The following CMTM8 variants were observed in gnomAD, a reference collection of about 807,000 sequenced individuals.
CMTM8 encodes CKLF like MARVEL transmembrane domain containing 8.
In CMTM8, 12 loss-of-function variants were observed where a neutral mutation model predicts 18.6. The ratio of observed to expected loss-of-function variants is 0.65; its 90% CI spans 0.41 to 1.05. The LOEUF is 1.05. Ranked by LOEUF, CMTM8 falls within the 50% of genes least tolerant of loss-of-function variation. The pLI is 0.00. For synonymous variants in CMTM8, 87 were observed against 90.6 expected, an observed-to-expected ratio of 0.96 and a Z score of 0.23; for missense variants, 217 against 227.2, an observed-to-expected ratio of 0.95 and a Z score of 0.29.
At chr3:32,341,879 AAAAT>A (rs1278511337) in intron 1 of CMTM8, among the ~76,000 whole-genome samples, 2 of 151,928 alleles carry the variant, frequency 1.3e-5, no homozygotes, top group African/African-American at 4.8e-5. Flanking sequence ...TGTCTCAAAA[AAAAT>A]AAATAAACTT....
At chr3:32,273,981 G>T (rs1484748787) in intron 1 of CMTM8, among the ~76,000 whole-genome samples, 1 of 152,090 alleles carries the variant, frequency 6.6e-6, no homozygotes, top group Non-Finnish European at 1.5e-5. Flanking sequence ...GGCTTCTTGG[G>T]ATATTTTCTT....
At chr3:32,270,691 A>G (rs1005222102) in intron 1 of CMTM8, among the ~76,000 whole-genome samples, 1 of 152,090 alleles carries the variant, frequency 6.6e-6, no homozygotes, top group Non-Finnish European at 1.5e-5. Flanking sequence ...GGACACAGGA[A>G]GGGGAACGTC....
rs1268396651 is a variant in CMTM8 at position 32,239,138 on chromosome 3, G to C, written c.147+19G>C. The C allele has an allele frequency of 6.3e-7, 1 of 1,580,690 alleles. No homozygotes were observed. Among genetic ancestry groups the C allele is most frequent in the South Asian group, 1.2e-5 (1 of 86,058 alleles). ...CGAGATCGTGAGTGCCGACGGGCCG[G>C]GGGTGGCGGGGGGCTCAGCTGGACC... On this transcript the variant is annotated intron_variant, in intron 1 of 3. Coordinates refer to ENST00000307526, the MANE Select transcript of CMTM8 (RefSeq NM_178868.5).
chr3:32,361,660 T>C (rs1696934732), intron 2 of CMTM8, among the ~76,000 whole-genome samples: 1 of 152,158 alleles, frequency 6.6e-6, no homozygotes, highest in South Asian at 2.1e-4. Flanking sequence ...GCATGAACTT[T>C]GCATTGGAAT....
intron 1 of CMTM8, among the ~76,000 whole-genome samples, chr3:32,240,205 A>C (rs953828087): frequency 2.0e-5 from 3 of 152,188 alleles, no homozygotes; most frequent in Non-Finnish European, 4.4e-5. Context: ...TGTGTACCTC[A>C]AGTAGCTTGC....
chr3:32,244,435 T>G (rs1182691740), intron 1 of CMTM8, among the ~76,000 whole-genome samples: 1 of 152,228 alleles, frequency 6.6e-6, no homozygotes. Flanking sequence ...GTTCTCCTCC[T>G]TAGGCCTCCA....
At chr3:32,323,966 T>C (rs1696108769) in intron 1 of CMTM8, among the ~76,000 whole-genome samples, 1 of 152,250 alleles carries the variant, frequency 6.6e-6, no homozygotes, top group Non-Finnish European at 1.5e-5. Flanking sequence ...AACTGACCAG[T>C]TCTGCTAGTT....
chr3:32,261,833 C>A (rs768629491), intron 1 of CMTM8, among the ~76,000 whole-genome samples: 6 of 152,208 alleles, frequency 3.9e-5, no homozygotes, highest in Non-Finnish European at 7.3e-5. Context: ...TCTGTACACA[C>A]CCATGAGATT....
chr3:32,343,309 A>G (rs17029240), intron 1 of CMTM8, among the ~76,000 whole-genome samples: 15,644 of 152,210 alleles, frequency 0.1, 1,081 homozygotes, highest in African/African-American at 0.19. Flanking sequence ...CCACTATGGG[A>G]TAAGTCTTGC....
intron 1 of CMTM8, among the ~76,000 whole-genome samples, chr3:32,268,080 C>A (rs1307587245): frequency 6.6e-6 from 1 of 152,154 alleles, no homozygotes; most frequent in African/African-American, 2.4e-5. Flanking sequence ...TTGACCCAGC[C>A]ATCCCATTAC....
intron 1 of CMTM8, among the ~76,000 whole-genome samples, chr3:32,263,897 A>G (rs1350566959): frequency 6.6e-6 from 1 of 152,238 alleles, no homozygotes; most frequent in African/African-American, 2.4e-5. Flanking sequence ...AGAAGTTTAG[A>G]GAAAAAAGAA....
intron 1 of CMTM8, among the ~76,000 whole-genome samples, chr3:32,244,534 C>G (rs1701986369): frequency 6.6e-6 from 1 of 152,210 alleles, no homozygotes; most frequent in Non-Finnish European, 1.5e-5. Context: ...TCAGTTCTTT[C>G]TAAAACTCCT....
intron 1 of CMTM8, among the ~76,000 whole-genome samples, chr3:32,321,231 G>A (rs1382346907): frequency 1.3e-5 from 2 of 152,206 alleles, no homozygotes; most frequent in South Asian, 2.1e-4. Flanking sequence ...AAACAACACT[G>A]GGGACTAACT....
chr3:32,253,772 G>C (rs1702143339), intron 1 of CMTM8, among the ~76,000 whole-genome samples: 1 of 152,188 alleles, frequency 6.6e-6, no homozygotes, highest in Non-Finnish European at 1.5e-5. Context: ...CTGTTCACAG[G>C]TGAGATCATA....
chr3:32,273,049 A>G (rs1310550239), intron 1 of CMTM8, among the ~76,000 whole-genome samples: 1 of 152,156 alleles, frequency 6.6e-6, no homozygotes, highest in African/African-American at 2.4e-5. Flanking sequence ...ACAATGAGAT[A>G]CCATTTCACA....
intron 1 of CMTM8, among the ~76,000 whole-genome samples, chr3:32,295,150 A>G (rs1325181091): frequency 3.3e-5 from 5 of 151,886 alleles, no homozygotes; most frequent in Non-Finnish European, 5.9e-5. Context: ...TGTTCCAGGC[A>G]TAGATCTCAA....
intron 1 of CMTM8, among the ~76,000 whole-genome samples, chr3:32,243,360 A>G (rs909075459): frequency 1.2e-4 from 18 of 151,836 alleles, no homozygotes; most frequent in Non-Finnish European, 2.1e-4. Context: ...GCGAAAACCC[A>G]TCTCTACTGA....
chr3:32,347,447 C>T (rs951141336), intron 1 of CMTM8, among the ~76,000 whole-genome samples: 2 of 150,926 alleles, frequency 1.3e-5, no homozygotes, highest in Non-Finnish European at 2.9e-5. Flanking sequence ...CCCCCCGGCA[C>T]AGCACTCAAC....
At chr3:32,303,307 T>C (rs1695658716) in intron 1 of CMTM8, among the ~76,000 whole-genome samples, 1 of 152,222 alleles carries the variant, frequency 6.6e-6, no homozygotes, top group African/African-American at 2.4e-5. Context: ...TGGAATTCAT[T>C]TCGTATCTGC....
Sources: allele counts gnomAD v4.1 joint callset (sites outside exome capture counted in the v4.1 genomes callset), GRCh38; gene constraint gnomAD v4.1.1; transcripts MANE v1.5; gene names NCBI Gene and HGNC (gene_info 2026-07-23, HGNC 2026-07-21).